Variants in LRIG1 observed in about 807,000 individuals in gnomAD.
LRIG1 encodes leucine-rich repeats and immunoglobulin-like domains protein 1.
In LRIG1, 48 loss-of-function variants were observed where a neutral mutation model predicts 99.2. The ratio of observed to expected loss-of-function variants is 0.48; its 90% CI spans 0.38 to 0.62. LRIG1 has a LOEUF of 0.62. LRIG1 is among the 20% of genes least tolerant of loss of function. The pLI is 0.00. For missense variants in LRIG1, 1,646 were observed against 1,434.4 expected (o/e 1.15, Z -2.38); for synonymous variants, 772 against 596.1 (o/e 1.29, Z -4.30).
At chr3:66,431,843 T>G (rs1264554592) in intron 3 of LRIG1, among the ~76,000 whole-genome samples, 1 of 152,140 alleles carries the variant, frequency 6.6e-6, no homozygotes, top group African/African-American at 2.4e-5. Flanking sequence ...AGACTGTCCA[T>G]GCCACCATGC....
At chr3:66,488,807 A>C (rs1701034440) in intron 1 of LRIG1, among the ~76,000 whole-genome samples, 1 of 152,204 alleles carries the variant, frequency 6.6e-6, no homozygotes, top group Admixed American at 6.5e-5. Flanking sequence ...AGAATGTGAC[A>C]GGTGGCCCAT....
chr3:66,468,312 C>T (rs566059716), intron 1 of LRIG1, among the ~76,000 whole-genome samples: 44 of 152,312 alleles, frequency 2.9e-4, no homozygotes, highest in African/African-American at 9.9e-4. Flanking sequence ...AGACCACTGA[C>T]GAACACAGAC....
chr3:66,410,406 A>T (rs1702427310), intron 6 of LRIG1, 134 bp from the exon 7 acceptor site: 2 of 798,790 alleles, frequency 2.5e-6, no homozygotes, highest in East Asian at 2.6e-5. Context: ...AGAACTGTGG[A>T]GTCTAGTCGC....
At chr3:66,392,429 C>T (rs543820936) in intron 12 of LRIG1, among the ~76,000 whole-genome samples, 4 of 152,288 alleles carry the variant, frequency 2.6e-5, no homozygotes, top group South Asian at 2.1e-4. Context: ...AGGGTTCTCC[C>T]TATCCTCAGC....
chr3:66,478,426 C>CGGT (rs1198316922), intron 1 of LRIG1, among the ~76,000 whole-genome samples: 1 of 152,154 alleles, frequency 6.6e-6, no homozygotes, highest in Non-Finnish European at 1.5e-5. Context: ...GAAAACCCAA[C>CGGT]GGTAACTCAC....
intron 1 of LRIG1, among the ~76,000 whole-genome samples, chr3:66,481,759 G>A (rs901620558): frequency 3.3e-5 from 5 of 152,340 alleles, no homozygotes; most frequent in South Asian, 4.1e-4. Context: ...GAGAAGGGAT[G>A]TCTAAAACTC....
intron 8 of LRIG1, chr3:66,406,363 C>T: frequency 3.0e-6 from 3 of 985,612 alleles, no homozygotes; most frequent in Non-Finnish European, 3.6e-6. Flanking sequence ...GTTTTTCTCT[C>T]CTTTCTGGCC....
chr3:66,459,296 G>A (rs891192122), intron 2 of LRIG1, among the ~76,000 whole-genome samples: 1 of 152,176 alleles, frequency 6.6e-6, no homozygotes, highest in Non-Finnish European at 1.5e-5. Context: ...TCTAGGCAAG[G>A]AACAACAGGA....
At chr3:66,461,053 A>G (rs1269532421) in intron 2 of LRIG1, among the ~76,000 whole-genome samples, 5 of 152,158 alleles carry the variant, frequency 3.3e-5, no homozygotes, top group African/African-American at 7.2e-5. Context: ...GCTCACACCT[A>G]TAACCCCAGC....
In LRIG1 at chr3:66,380,152, G is replaced by C. The variant is rs1259424041; in HGVS notation, c.*111C>G. The C allele has an allele frequency of 2.5e-6, 2 of 794,574 alleles. No homozygotes were observed. The highest frequency in any genetic ancestry group is 3.9e-6 in the Non-Finnish European group (2 of 507,108). The allele number at this position is 794,574 out of a possible 1,614,324, so 49.2% of individuals were successfully genotyped here. On this transcript the variant is annotated 3_prime_UTR_variant, in exon 19 of 19. Coordinates refer to ENST00000273261, the MANE Select transcript of LRIG1 (RefSeq NM_015541.3). ...TGTGAGCGACTGATACTCCACATGG[G>C]AGTTACAACTATGTACAGATGAGTG...
chr3:66,480,266 TAG>T (rs1700817996), intron 1 of LRIG1, among the ~76,000 whole-genome samples: 1 of 152,152 alleles, frequency 6.6e-6, no homozygotes, highest in Non-Finnish European at 1.5e-5. Context: ...GACAAATCTA[TAG>T]AGACAGAAAG....
intron 1 of LRIG1, among the ~76,000 whole-genome samples, chr3:66,469,476 A>G (rs1700548430): frequency 6.6e-6 from 1 of 152,182 alleles, no homozygotes; most frequent in African/African-American, 2.4e-5. Context: ...AGCTATAATA[A>G]TCAGTGTGGG....
intron 1 of LRIG1, among the ~76,000 whole-genome samples, chr3:66,494,155 A>G (rs1701176472): frequency 6.6e-6 from 1 of 152,194 alleles, no homozygotes; most frequent in Admixed American, 6.5e-5. Context: ...AAGTTGAGGA[A>G]CCTAGCTAAA....
intron 2 of LRIG1, among the ~76,000 whole-genome samples, chr3:66,457,907 C>T (rs1280311846): frequency 1.3e-5 from 2 of 152,204 alleles, no homozygotes; most frequent in South Asian, 2.1e-4. Flanking sequence ...ACTAATCACG[C>T]AATTTCAGCC....
At chr3:66,419,462 G>C (rs1227015199) in intron 3 of LRIG1, among the ~76,000 whole-genome samples, 1 of 152,190 alleles carries the variant, frequency 6.6e-6, no homozygotes, top group Non-Finnish European at 1.5e-5. Context: ...GGGTGTGTGG[G>C]AGTGAGGGCC....
intron 3 of LRIG1, among the ~76,000 whole-genome samples, chr3:66,418,017 T>G (rs1327941088): frequency 3.3e-5 from 5 of 151,914 alleles, no homozygotes; most frequent in African/African-American, 1.2e-4. Context: ...GTGGCAAATC[T>G]GAAGGTAAAT....
intron 3 of LRIG1, among the ~76,000 whole-genome samples, chr3:66,427,282 T>A (rs1316747293): frequency 1.3e-5 from 2 of 152,160 alleles, no homozygotes; most frequent in Non-Finnish European, 2.9e-5. Context: ...GTGCACACAT[T>A]CACATATGCC....
Position 66,420,941 on chromosome 3 carries a change from G to A in LRIG1, c.366-3675C>T, listed in dbSNP as rs549405651. ...GGGAGGCCTCACAATCATGGCAGAA[G>A]GCAAAGAAGAGCAAGTATGTCTTAC... On this transcript the variant is annotated intron_variant, in intron 3 of 18. Coordinates refer to ENST00000273261, the MANE Select transcript of LRIG1 (RefSeq NM_015541.3). Among the ~76,000 whole-genome samples, 24 of 152,262 alleles carry A rather than the reference G, an allele frequency of 1.6e-4. No homozygotes were observed. In the South Asian group the frequency reaches 5.0e-3, roughly 32 times the overall value.
At chr3:66,466,397 T>A (rs888618304) in intron 1 of LRIG1, among the ~76,000 whole-genome samples, 3 of 152,230 alleles carry the variant, frequency 2.0e-5, no homozygotes, top group African/African-American at 7.2e-5. Context: ...ATATACCACA[T>A]TTTGTGTATC....
Sources: allele counts gnomAD v4.1 joint callset (sites outside exome capture counted in the v4.1 genomes callset), GRCh38; gene constraint gnomAD v4.1.1; transcripts MANE v1.5; gene names NCBI Gene and HGNC (gene_info 2026-07-23, HGNC 2026-07-21).